Variants in MYO16 observed in about 807,000 individuals in gnomAD.
MYO16 encodes myosin XVI, also known as unconventional myosin-XVI.
A neutral mutation model predicts 205.3 loss-of-function variants in MYO16; 94 were observed. That is an observed-to-expected ratio of 0.46 (90% CI 0.39 to 0.54). The LOEUF is 0.54. Ranked by LOEUF, MYO16 falls within the 20% of genes least tolerant of loss-of-function variation. The pLI, the probability that MYO16 is intolerant of heterozygous loss-of-function variation, is 0.00. For synonymous variants in MYO16, 988 were observed against 954.0 expected, an observed-to-expected ratio of 1.04 and a Z score of -0.66; for missense variants, 2,315 against 2,387.5, an observed-to-expected ratio of 0.97 and a Z score of 0.63.
At chr13:109,176,706 C>T (rs1243962528) in intron 33 of MYO16, among the ~76,000 whole-genome samples, 2 of 150,578 alleles carry the variant, frequency 1.3e-5, no homozygotes, top group African/African-American at 2.4e-5. Context: ...CTGTTTGCTA[C>T]AACCTTCAAA....
chr13:109,034,661 T>A (rs7339147), intron 23 of MYO16, among the ~76,000 whole-genome samples: 1 of 152,182 alleles, frequency 6.6e-6, no homozygotes, highest in Non-Finnish European at 1.5e-5. Context: ...AAAAGGTTAG[T>A]CCCTGCTGTT....
At chr13:108,854,864 T>A (rs1040894937) in intron 10 of MYO16, among the ~76,000 whole-genome samples, 7 of 152,188 alleles carry the variant, frequency 4.6e-5, no homozygotes, top group African/African-American at 1.4e-4. Flanking sequence ...GGAAAGTATT[T>A]TTTCTTTATG....
intron 1 of MYO16, among the ~76,000 whole-genome samples, chr13:108,617,493 A>C (rs1879390422): frequency 6.6e-6 from 1 of 152,118 alleles, no homozygotes; most frequent in African/African-American, 2.4e-5. Context: ...ACTCCTCCTC[A>C]CTATAGCACT....
the MYO16 span, among the ~76,000 whole-genome samples, chr13:108,508,253 GAA>G: frequency 6.9e-3 from 995 of 144,898 alleles, 9 homozygotes; most frequent in African/African-American, 0.022. Context: ...TTGGGCATTT[GAA>G]AAAAAAAAAA....
the MYO16 span, among the ~76,000 whole-genome samples, chr13:108,569,883 T>C: frequency 6.6e-6 from 1 of 152,216 alleles, no homozygotes; most frequent in African/African-American, 2.4e-5. Flanking sequence ...GTGTGTATTC[T>C]GTCCTTAATA....
chr13:108,964,839 G>C lies in MYO16; in HGVS notation c.2306G>C (p.Arg769Pro). Residue 769 changes from arginine to proline, a missense_variant, in exon 20 of 35, where the codon CGT becomes CCT. This residue lies in a region of MYO16 where 1,213 missense variants were observed against 1,274.4 expected (regional missense o/e 0.95). Coordinates refer to ENST00000457511, the MANE Select transcript of MYO16 (RefSeq NM_001198950.3). ...RDLLAKSLYSRLFSFLVNTMN... is the reference protein window; with the variant it reads ...RDLLAKSLYSPLFSFLVNTMN... ...CTCTTGGCCAAGTCCCTGTACAGTC[G>C]TTTGTTTAGCTTTTTGGTGAATACC... 6.2e-7 allele frequency: 1 copy of C among 1,614,002 alleles called. No individual in the cohort carries two copies. Among genetic ancestry groups the C allele is most frequent in the Non-Finnish European group, 8.5e-7 (1 of 1,179,976 alleles).
chr13:108,963,487 G>A (rs1259025726), intron 19 of MYO16, among the ~76,000 whole-genome samples: 1 of 152,152 alleles, frequency 6.6e-6, no homozygotes, highest in Non-Finnish European at 1.5e-5. Context: ...CAGCACTGCT[G>A]AATTTATCAT....
rs74119842 is a variant in MYO16, at chr13:109,139,813, C to T, written c.4052-451C>T. Among the ~76,000 whole-genome samples, 576 of 148,900 alleles carry T rather than the reference C, an allele frequency of 3.9e-3. 2 individuals are homozygous for T. Among genetic ancestry groups the T allele is most frequent in the African/African-American group, 0.013 (549 of 41,100 alleles). ...TACAGATAACACAAGTAGTTTAGGT[C>T]GGGGGTTGATATTATTATTATTATT... On this transcript the variant is annotated intron_variant, in intron 31 of 34. Coordinates refer to ENST00000457511, the MANE Select transcript of MYO16 (RefSeq NM_001198950.3).
intron 34 of MYO16, among the ~76,000 whole-genome samples, chr13:109,195,127 T>C (rs1880096456): frequency 7.0e-6 from 1 of 143,346 alleles, no homozygotes; most frequent in Admixed American, 7.1e-5. Context: ...TAGTTGTTGA[T>C]TTTTTTTAAG....
intron 28 of MYO16, among the ~76,000 whole-genome samples, chr13:109,118,279 A>G (rs909874118): frequency 6.6e-6 from 1 of 152,192 alleles, no homozygotes; most frequent in African/African-American, 2.4e-5. Flanking sequence ...TATGTGCTCC[A>G]TGAGGACAGA....
rs1444473969 is a variant in MYO16 at position 109,140,020 on chromosome 13, T to C, written c.4052-244T>C. ...TCACTGGAACCCCTTGACGTTCCAC[T>C]GGACAACCTCCTCAGAGGGTGGGAG... On this transcript the variant is annotated intron_variant, in intron 31 of 34. Transcript: ENST00000457511. The surrounding 1 kb of genome is among the most constrained non-coding windows in gnomAD (Gnocchi z 8.0). Among the ~76,000 whole-genome samples, 1 of 152,126 alleles carries C rather than the reference T, an allele frequency of 6.6e-6. No homozygotes were observed. The highest frequency in any genetic ancestry group is 1.5e-5 in the Non-Finnish European group (1 of 68,016).
At chr13:108,872,412 T>TTTTAAAGTA (rs1879114922) in intron 12 of MYO16, among the ~76,000 whole-genome samples, 1 of 152,078 alleles carries the variant, frequency 6.6e-6, no homozygotes, top group South Asian at 2.1e-4. Flanking sequence ...GTATGTTTGT[T>TTTTAAAGTA]TTTAAAGTAC....
intron 32 of MYO16, among the ~76,000 whole-genome samples, chr13:109,158,115 C>T (rs1878165074): frequency 6.6e-6 from 1 of 152,142 alleles, no homozygotes; most frequent in Non-Finnish European, 1.5e-5. Context: ...TCATTCAGCT[C>T]TCATGTTCCC....
chr13:109,148,973 G>A (rs1040783010), intron 32 of MYO16, among the ~76,000 whole-genome samples: 1 of 152,158 alleles, frequency 6.6e-6, no homozygotes, highest in African/African-American at 2.4e-5. Context: ...TTAGAATATA[G>A]CCATGCATTT....
chr13:109,012,223 C>T (rs542904084), intron 22 of MYO16, among the ~76,000 whole-genome samples: 7 of 152,242 alleles, frequency 4.6e-5, no homozygotes, highest in African/African-American at 1.7e-4. Context: ...AACCAGGGGT[C>T]CCCAACCCCT....
At chr13:108,849,008 A>G (rs917808292) in intron 10 of MYO16, among the ~76,000 whole-genome samples, 1 of 151,880 alleles carries the variant, frequency 6.6e-6, no homozygotes, top group Non-Finnish European at 1.5e-5. Context: ...GGCCTGGTAG[A>G]CTTCACTATT....
At chr13:108,913,661 G>A (rs1881363465) in intron 16 of MYO16, among the ~76,000 whole-genome samples, 1 of 152,186 alleles carries the variant, frequency 6.6e-6, no homozygotes, top group African/African-American at 2.4e-5. Context: ...ATTGCTATTT[G>A]TAAAATGCTC....
the MYO16 span, among the ~76,000 whole-genome samples, chr13:108,566,430 G>A: frequency 6.6e-6 from 1 of 150,626 alleles, no homozygotes; most frequent in Non-Finnish European, 1.5e-5. Flanking sequence ...TTCTTAGTTT[G>A]GCTAATGGTT....
chr13:108,812,135 C>T (rs897292318), intron 7 of MYO16, among the ~76,000 whole-genome samples: 8 of 152,282 alleles, frequency 5.3e-5, no homozygotes, highest in East Asian at 1.9e-4. Flanking sequence ...TTACCTTGCA[C>T]GGCTACATTG....
Sources: allele counts gnomAD v4.1 joint callset (sites outside exome capture counted in the v4.1 genomes callset), GRCh38; gene constraint gnomAD v4.1.1; regional missense constraint gnomAD v4.1.1; non-coding constraint Gnocchi (gnomAD v3.1); transcripts MANE v1.5; gene names NCBI Gene and HGNC (gene_info 2026-07-23, HGNC 2026-07-21).